Variants in IGSF11 observed in about 807,000 individuals in gnomAD.
IGSF11 encodes the protein CXADR like 1.
Under a neutral mutation model 41.0 loss-of-function variants are expected in IGSF11, and 22 were observed. That is an observed-to-expected ratio of 0.54 (90% confidence interval 0.38 to 0.77). The LOEUF is 0.77. Ranked by LOEUF, IGSF11 falls within the 30% of genes least tolerant of loss-of-function variation. IGSF11 has a pLI of 0.00. For synonymous variants in IGSF11, 219 were observed against 201.3 expected, an observed-to-expected ratio of 1.09 and a Z score of -0.74; for missense variants, 444 against 530.8, an observed-to-expected ratio of 0.84 and a Z score of 1.61.
chr3:118,946,761 G>A (rs562785490), intron 1 of IGSF11, among the ~76,000 whole-genome samples: 7 of 152,250 alleles, frequency 4.6e-5, no homozygotes, highest in African/African-American at 1.2e-4. Flanking sequence ...TGGGCACAAC[G>A]CTCCCTACTC....
At chr3:119,055,041 C>G (rs1294808738) in intron 1 of IGSF11, among the ~76,000 whole-genome samples, 1 of 152,178 alleles carries the variant, frequency 6.6e-6, no homozygotes, top group African/African-American at 2.4e-5. Flanking sequence ...GTTCTGCAGC[C>G]ACTGCTGCTG....
intron 1 of IGSF11, among the ~76,000 whole-genome samples, chr3:119,124,529 G>A (rs2077376923): frequency 6.6e-6 from 1 of 150,982 alleles, no homozygotes; most frequent in South Asian, 2.1e-4. Context: ...GGCCAACATG[G>A]TCATCAGAGT....
intron 1 of IGSF11, among the ~76,000 whole-genome samples, chr3:119,002,392 G>C (rs1021573284): frequency 4.0e-5 from 6 of 150,776 alleles, no homozygotes; most frequent in Non-Finnish European, 7.4e-5. Flanking sequence ...AGATGAGTAG[G>C]TTGTGAAAAT....
intron 1 of IGSF11, among the ~76,000 whole-genome samples, chr3:118,941,529 G>T (rs1271915731): frequency 6.6e-6 from 1 of 152,166 alleles, no homozygotes; most frequent in Non-Finnish European, 1.5e-5. Context: ...GAAATGAAAT[G>T]TAGTACAGTC....
At chr3:118,985,542 C>T (rs1438196649) in intron 1 of IGSF11, among the ~76,000 whole-genome samples, 1 of 152,166 alleles carries the variant, frequency 6.6e-6, no homozygotes, top group African/African-American at 2.4e-5. Context: ...TGGATAACAT[C>T]CCACAAGCAG....
chr3:118,952,925 T>C (rs1049605578), intron 1 of IGSF11, among the ~76,000 whole-genome samples: 2 of 152,006 alleles, frequency 1.3e-5, no homozygotes, highest in Admixed American at 6.6e-5. Context: ...CCATAGGTTT[T>C]TGGGGAACAG....
At chr3:119,084,213 G>C (rs997725578) in intron 1 of IGSF11, among the ~76,000 whole-genome samples, 2 of 152,096 alleles carry the variant, frequency 1.3e-5, no homozygotes, top group Non-Finnish European at 2.9e-5. Context: ...GATCTTTGGA[G>C]AGAACACACC....
intron 4 of IGSF11, among the ~76,000 whole-genome samples, chr3:118,911,303 T>C (rs1486497809): frequency 1.3e-5 from 2 of 152,078 alleles, no homozygotes; most frequent in East Asian, 1.9e-4. Context: ...AACATCTTGA[T>C]GAAGGAGAAA....
At chr3:119,000,417 C>T (rs985778971) in intron 1 of IGSF11, among the ~76,000 whole-genome samples, 6 of 151,338 alleles carry the variant, frequency 4.0e-5, no homozygotes, top group African/African-American at 1.2e-4. Context: ...AGAGTTTGCA[C>T]GCCTCAAATG....
At chr3:118,991,309 A>C (rs1467546811) in intron 1 of IGSF11, among the ~76,000 whole-genome samples, 1 of 152,164 alleles carries the variant, frequency 6.6e-6, no homozygotes, top group Non-Finnish European at 1.5e-5. Flanking sequence ...GGCAGGCCCA[A>C]TATCTATGTT....
chr3:119,003,603 T>C (rs9758287), intron 1 of IGSF11, among the ~76,000 whole-genome samples: 59,258 of 149,480 alleles, frequency 0.4, 14,762 homozygotes, highest in African/African-American at 0.7. Flanking sequence ...GTGGGTTTGT[T>C]ATAGATAGCT....
chr3:119,138,612 G>T (rs919886115), intron 1 of IGSF11, among the ~76,000 whole-genome samples: 1 of 152,208 alleles, frequency 6.6e-6, no homozygotes, highest in African/African-American at 2.4e-5. Context: ...TTGAACCTAG[G>T]AGGTGGAGGT....
At chr3:118,915,149 A>G (rs1940931907) in intron 4 of IGSF11, among the ~76,000 whole-genome samples, 1 of 126,718 alleles carries the variant, frequency 7.9e-6, no homozygotes. Context: ...AACCACAAAG[A>G]TGGGGAAAAA....
At chr3:119,135,135 T>C (rs1351313606) in intron 1 of IGSF11, among the ~76,000 whole-genome samples, 1 of 152,088 alleles carries the variant, frequency 6.6e-6, no homozygotes, top group African/African-American at 2.4e-5. Context: ...GCAATACCGT[T>C]CAGGACATAG....
chr3:119,015,426 C>G (rs1250244908), intron 1 of IGSF11, among the ~76,000 whole-genome samples: 1 of 152,160 alleles, frequency 6.6e-6, no homozygotes, highest in Admixed American at 6.5e-5. Flanking sequence ...CGTTATAAAC[C>G]TGGAGGACAC....
chr3:119,071,991 T>G (rs1271500079), intron 1 of IGSF11, among the ~76,000 whole-genome samples: 1 of 152,228 alleles, frequency 6.6e-6, no homozygotes, highest in African/African-American at 2.4e-5. Flanking sequence ...CTTATTTAGG[T>G]ATTCTTTAAT....
At chr3:118,933,071 C>G (rs1366640908) in intron 1 of IGSF11, among the ~76,000 whole-genome samples, 3 of 152,190 alleles carry the variant, frequency 2.0e-5, no homozygotes, top group Non-Finnish European at 4.4e-5. Context: ...TCTGGGGCAG[C>G]AGAAGTTGTG....
At chr3:118,956,471 C>T (rs769598732) in intron 1 of IGSF11, among the ~76,000 whole-genome samples, 4 of 152,160 alleles carry the variant, frequency 2.6e-5, no homozygotes, top group Non-Finnish European at 4.4e-5. Context: ...TTCCCTTTCA[C>T]TTGAATACTT....
chr3:119,008,499 A>G (rs540527158), intron 1 of IGSF11, among the ~76,000 whole-genome samples: 1 of 152,354 alleles, frequency 6.6e-6, no homozygotes, highest in South Asian at 2.1e-4. Context: ...AGAGGTAGAA[A>G]GAGAATCAGG....
Sources: gnomAD v4.1 joint callset for allele counts (sites outside exome capture counted in the v4.1 genomes callset) on GRCh38, gnomAD v4.1.1 for gene constraint, MANE v1.5 for transcripts, NCBI Gene and HGNC (gene_info 2026-07-23, HGNC 2026-07-21) for gene names.